The following CDC42BPA variants were observed in gnomAD, a reference collection of about 807,000 sequenced individuals.
The protein encoded by CDC42BPA is serine/threonine-protein kinase MRCK alpha.
Under a neutral mutation model 223.5 loss-of-function variants are expected in CDC42BPA, and 80 were observed. The observed-to-expected ratio is 0.36, with a 90% CI of 0.30 to 0.43. The LOEUF is 0.43. Ranked by LOEUF, CDC42BPA falls within the 20% of genes least tolerant of loss-of-function variation. The pLI is 1.00. For synonymous variants in CDC42BPA, 694 were observed against 718.6 expected, an observed-to-expected ratio of 0.97 and a Z score of 0.55; for missense variants, 1,743 against 2,099.9, an observed-to-expected ratio of 0.83 and a Z score of 3.32.
chr1:227,087,545 G>T (rs749946290), intron 16 of CDC42BPA, among the ~76,000 whole-genome samples: 48 of 152,164 alleles, frequency 3.2e-4, no homozygotes, highest in Non-Finnish European at 5.9e-5. Flanking sequence ...TTAAGGGTAA[G>T]CTTGTGAATT....
chr1:227,259,191 T>C (rs1299969957), intron 1 of CDC42BPA, among the ~76,000 whole-genome samples: 1 of 150,888 alleles, frequency 6.6e-6, no homozygotes, highest in African/African-American at 2.5e-5. Flanking sequence ...GCCAAGTGCA[T>C]ATTGTGAGGC....
chr1:227,187,621 A>G (rs939587331), intron 5 of CDC42BPA, among the ~76,000 whole-genome samples: 1 of 150,124 alleles, frequency 6.7e-6, no homozygotes, highest in South Asian at 2.1e-4. Context: ...ATTTTCCTAC[A>G]TCAAACCACA....
At position 227,043,411 on chromosome 1, in the gene CDC42BPA, C is replaced by CA. The variant is rs66612393; in HGVS notation, c.3094-3176dup. On this transcript the variant is annotated intron_variant, in intron 23 of 36. Transcript: ENST00000366766. ...CTGGCGACAAAACGAGACTTCGTCT[C>CA]AAAAAAAAAAAAAAAAAAATTTAAT... is the stretch of plus-strand genomic sequence containing the variant. Among the ~76,000 whole-genome samples, 112 of 120,960 alleles carry CA rather than the reference C, an allele frequency of 9.3e-4. 1 individual carries two copies. The highest frequency in any genetic ancestry group is 1.9e-3 in the South Asian group (7 of 3,742). The allele number at this position is 120,960 out of a possible 152,430, so 79.4% of individuals were successfully genotyped here.
chr1:227,058,922 T>C (rs909430320), intron 21 of CDC42BPA, among the ~76,000 whole-genome samples: 1 of 151,958 alleles, frequency 6.6e-6, no homozygotes, highest in South Asian at 2.1e-4. Flanking sequence ...ACATAAATTA[T>C]AGTCAATAAG....
chr1:227,300,611 G>A (rs2148726784), intron 1 of CDC42BPA, among the ~76,000 whole-genome samples: 1 of 152,282 alleles, frequency 6.6e-6, no homozygotes, highest in South Asian at 2.1e-4. Context: ...TTATAAGTGG[G>A]AGCTAAGCTA....
intron 2 of CDC42BPA, among the ~76,000 whole-genome samples, chr1:227,241,368 T>C (rs1411003468): frequency 6.6e-6 from 1 of 152,042 alleles, no homozygotes; most frequent in African/African-American, 2.4e-5. Context: ...AACAAAAACA[T>C]ATTTCCATAA....
chr1:227,297,967 T>TACACACACACACAC lies in CDC42BPA; in HGVS notation c.178+19024_178+19037dup, dbSNP rs1553440423. Among the ~76,000 whole-genome samples the TACACACACACACAC allele has an allele frequency of 1.7e-3, 223 of 132,064 alleles. 4 individuals are homozygous for TACACACACACACAC. The highest frequency in any genetic ancestry group is 6.2e-3 in the African/African-American group (211 of 34,200). 86.6% of individuals were successfully genotyped at this position (132,064 alleles called of 152,430 possible). A position where few individuals can be genotyped will look rare whatever the true frequency, so the allele number is the denominator to read the frequency against. The stretch of plus-strand genomic sequence containing the variant: ...GTGTGTGTGTGTGTATATATACATA[T>TACACACACACACAC]ACACACACACACACATATATACATA... On this transcript the variant is annotated intron_variant, in intron 1 of 36. Coordinates refer to ENST00000366766, the MANE Select transcript of CDC42BPA (RefSeq NM_001394014.1).
intron 6 of CDC42BPA, among the ~76,000 whole-genome samples, chr1:227,151,338 C>G (rs1045557195): frequency 2.0e-5 from 3 of 152,170 alleles, no homozygotes; most frequent in Admixed American, 6.5e-5. Flanking sequence ...AATTTCCTTT[C>G]TTTTTAAAAT....
At chr1:227,122,101 C>T (rs377018922) in intron 11 of CDC42BPA, among the ~76,000 whole-genome samples, 12 of 152,212 alleles carry the variant, frequency 7.9e-5, no homozygotes, top group Admixed American at 1.3e-4. Flanking sequence ...GCCCCTTGCC[C>T]GGATTTCAAC....
At chr1:227,240,784 C>T (rs1350317955) in intron 2 of CDC42BPA, among the ~76,000 whole-genome samples, 1 of 150,608 alleles carries the variant, frequency 6.6e-6, no homozygotes, top group Non-Finnish European at 1.5e-5. Flanking sequence ...AAATAGAAGG[C>T]TTTTAGAAAA....
At chr1:227,275,663 G>A (rs1206355650) in intron 1 of CDC42BPA, among the ~76,000 whole-genome samples, 2 of 151,472 alleles carry the variant, frequency 1.3e-5, no homozygotes, top group Non-Finnish European at 2.9e-5. Context: ...GCGGAGGCTG[G>A]ACTGTACTGC....
chr1:226,994,207 G>T lies in CDC42BPA; in HGVS notation c.*61C>A. 1 of 1,512,750 alleles carries T rather than the reference G, an allele frequency of 6.6e-7. No individual in the cohort carries two copies. Among genetic ancestry groups the T allele is most frequent in the Non-Finnish European group, 8.9e-7 (1 of 1,117,862 alleles). The allele number at this position is 1,512,750 out of a possible 1,614,324, so 93.7% of individuals were successfully genotyped here. A position where few individuals can be genotyped will look rare whatever the true frequency, so the allele number is the denominator to read the frequency against. ...AGCAGGCGAGGTGGAGGGAAGAGAT[G>T]AAAGTGAGAGGAGGCGAGTGGCAGG... On this transcript the variant is annotated 3_prime_UTR_variant, in exon 37 of 37. Transcript: ENST00000366766. The surrounding 1 kb of genome is among the most constrained non-coding windows in gnomAD (Gnocchi z 4.0).
intron 5 of CDC42BPA, among the ~76,000 whole-genome samples, chr1:227,168,553 T>C (rs1191020950): frequency 2.2e-5 from 3 of 134,728 alleles, no homozygotes; most frequent in Non-Finnish European, 4.6e-5. Flanking sequence ...TGGAGTGCAA[T>C]GGTGCGATCT....
chr1:227,011,471 G>C (rs1212319154), intron 34 of CDC42BPA, among the ~76,000 whole-genome samples: 1 of 152,146 alleles, frequency 6.6e-6, no homozygotes, highest in Non-Finnish European at 1.5e-5. Context: ...CTTCTAAATA[G>C]ACGTGTTATG....
rs575559692 is a variant in CDC42BPA at position 227,165,511 on chromosome 1, T to C, written c.600-4875A>G. On this transcript the variant is annotated intron_variant, in intron 5 of 36. Transcript: ENST00000366766. ...AGCCTATTATTAATTATAGGAAAAA[T>C]TGTTAGATAAGAAAGGAAAAAATTA... Among the ~76,000 whole-genome samples, 45 of 152,106 alleles carry C rather than the reference T, an allele frequency of 3.0e-4. No homozygotes were observed. The South Asian group carries it at 6.0e-3, about 20-fold the overall frequency.
At chr1:227,273,336 C>T (rs977868744) in intron 1 of CDC42BPA, among the ~76,000 whole-genome samples, 13 of 151,114 alleles carry the variant, frequency 8.6e-5, no homozygotes, top group African/African-American at 3.2e-4. Flanking sequence ...GCCTCCAAGG[C>T]GGGCAGATCA....
At chr1:227,048,834 T>C (rs552917230) in intron 22 of CDC42BPA, among the ~76,000 whole-genome samples, 4 of 151,594 alleles carry the variant, frequency 2.6e-5, no homozygotes, top group South Asian at 2.1e-4. Context: ...ACGCTAGTCT[T>C]TGTATAAAGA....
chr1:226,996,261 T>C (rs1041822959), intron 35 of CDC42BPA, among the ~76,000 whole-genome samples: 2 of 152,242 alleles, frequency 1.3e-5, no homozygotes, highest in East Asian at 3.8e-4. Context: ...CCAGAACAAT[T>C]TGCAGAGTTT....
chr1:227,062,125 T>C (rs1676039441), intron 21 of CDC42BPA, among the ~76,000 whole-genome samples: 1 of 152,232 alleles, frequency 6.6e-6, no homozygotes, highest in Non-Finnish European at 1.5e-5. Flanking sequence ...ATTCTGGCCT[T>C]TGCCCATGTC....
Sources: gnomAD v4.1 joint callset for allele counts (sites outside exome capture counted in the v4.1 genomes callset) on GRCh38, gnomAD v4.1.1 for gene constraint, Gnocchi (gnomAD v3.1) non-coding constraint, MANE v1.5 for transcripts, NCBI Gene and HGNC (gene_info 2026-07-23, HGNC 2026-07-21) for gene names.